Variants in ANKH observed in about 807,000 individuals in gnomAD.
ANKH encodes the protein mineralization regulator ANKH.
A neutral mutation model predicts 49.0 loss-of-function variants in ANKH; 15 were observed. The ratio of observed to expected loss-of-function variants is 0.31; its 90% CI spans 0.20 to 0.47. ANKH has a LOEUF of 0.47. ANKH is among the 20% of genes least tolerant of loss of function. The pLI, the probability that ANKH is intolerant of heterozygous loss-of-function variation, is 1.00. For synonymous variants in ANKH, 273 were observed against 260.0 expected, an observed-to-expected ratio of 1.05 and a Z score of -0.48; for missense variants, 429 against 652.0, an observed-to-expected ratio of 0.66 and a Z score of 3.72.
intron 1 of ANKH, among the ~76,000 whole-genome samples, chr5:14,814,239 G>A (rs912249623): frequency 3.3e-5 from 5 of 152,148 alleles, no homozygotes; most frequent in South Asian, 2.1e-4. Flanking sequence ...CATAAACAAC[G>A]TGAGGGCAGG....
chr5:14,757,172 T>C (rs1738913179), intron 3 of ANKH, among the ~76,000 whole-genome samples: 1 of 152,048 alleles, frequency 6.6e-6, no homozygotes, highest in African/African-American at 2.4e-5. Context: ...TTTGACTCTT[T>C]AGGGATGTCA....
At chr5:14,826,283 T>A (rs1741340657) in intron 1 of ANKH, among the ~76,000 whole-genome samples, 1 of 152,218 alleles carries the variant, frequency 6.6e-6, no homozygotes, top group Admixed American at 6.5e-5. Flanking sequence ...CATATGGGAT[T>A]AAGTCTCAAG....
chr5:14,782,364 T>C (rs1307887957), intron 1 of ANKH, among the ~76,000 whole-genome samples: 4 of 152,144 alleles, frequency 2.6e-5, no homozygotes, highest in African/African-American at 7.2e-5. Flanking sequence ...AACTGATGTA[T>C]GGAGAGGCGA....
intron 1 of ANKH, among the ~76,000 whole-genome samples, chr5:14,818,090 A>AT (rs1394376776): frequency 1.3e-5 from 2 of 151,276 alleles, no homozygotes; most frequent in African/African-American, 4.8e-5. Flanking sequence ...AAAGGAAAAA[A>AT]AAAAACCCAA....
chr5:14,811,807 G>C (rs1445644510), intron 1 of ANKH, among the ~76,000 whole-genome samples: 3 of 152,118 alleles, frequency 2.0e-5, no homozygotes, highest in Non-Finnish European at 4.4e-5. Flanking sequence ...AATGAAATTA[G>C]CCATGGGGGC....
intron 1 of ANKH, among the ~76,000 whole-genome samples, chr5:14,855,413 T>C (rs894027693): frequency 6.6e-6 from 1 of 152,238 alleles, no homozygotes; most frequent in Non-Finnish European, 1.5e-5. Context: ...GAAACATTTG[T>C]TGAATGAACA....
At chr5:14,727,528 G>A (rs917141495) in intron 8 of ANKH, among the ~76,000 whole-genome samples, 1 of 151,432 alleles carries the variant, frequency 6.6e-6, no homozygotes, top group African/African-American at 2.4e-5. Context: ...CAAACAGCAG[G>A]GGGCGCCATG....
intron 1 of ANKH, among the ~76,000 whole-genome samples, chr5:14,857,010 G>A (rs1281158105): frequency 1.3e-5 from 2 of 152,286 alleles, no homozygotes; most frequent in East Asian, 1.9e-4. Context: ...GAAAGAAAGC[G>A]CTTTTCTCTG....
At chr5:14,860,455 A>G (rs1334808795) in intron 1 of ANKH, among the ~76,000 whole-genome samples, 1 of 152,240 alleles carries the variant, frequency 6.6e-6, no homozygotes, top group Non-Finnish European at 1.5e-5. Flanking sequence ...GGGAGGCCTC[A>G]GCGTCCCAGC....
At chr5:14,791,279 G>A (rs1162434825) in intron 1 of ANKH, among the ~76,000 whole-genome samples, 1 of 152,188 alleles carries the variant, frequency 6.6e-6, no homozygotes, top group Non-Finnish European at 1.5e-5. Flanking sequence ...CAGTCTGAAA[G>A]AGGTGGCCAT....
intron 1 of ANKH, among the ~76,000 whole-genome samples, chr5:14,800,722 T>A (rs140724249): frequency 2.0e-5 from 3 of 146,356 alleles, no homozygotes; most frequent in Admixed American, 2.0e-4. Context: ...TATAACATTT[T>A]TTTTCTTTTT....
At chr5:14,777,283 T>C (rs1739657428) in intron 1 of ANKH, among the ~76,000 whole-genome samples, 1 of 151,942 alleles carries the variant, frequency 6.6e-6, no homozygotes, top group South Asian at 2.1e-4. Flanking sequence ...CAAAACTCCA[T>C]CACAAAAACA....
chr5:14,771,921 GAAAAAA>G (rs869185652), intron 1 of ANKH, among the ~76,000 whole-genome samples: 1 of 53,384 alleles, frequency 1.9e-5, no homozygotes, highest in African/African-American at 6.9e-5. Flanking sequence ...CTCAAAAAAA[GAAAAAA>G]AAAAAAAAAA....
chr5:14,801,994 C>T (rs1389485585), intron 1 of ANKH, among the ~76,000 whole-genome samples: 1 of 152,190 alleles, frequency 6.6e-6, no homozygotes, highest in Non-Finnish European at 1.5e-5. Flanking sequence ...CTGTGCATTG[C>T]TGGCAGCTGT....
At chr5:14,788,356 T>A (rs758217494) in intron 1 of ANKH, 12 of 152,252 alleles carry the variant, frequency 7.9e-5, no homozygotes, top group Non-Finnish European at 1.6e-4. Context: ...CTCAAAGAAC[T>A]ACTTCATATA....
chr5:14,819,898 TATACACACAC>T (rs1450187339), intron 1 of ANKH, among the ~76,000 whole-genome samples: 20 of 87,134 alleles, frequency 2.3e-4, no homozygotes, highest in East Asian at 1.1e-3. Flanking sequence ...ACAACAAAAA[TATACACACAC>T]ACACACACAC....
intron 1 of ANKH, among the ~76,000 whole-genome samples, chr5:14,801,461 T>C (rs993744761): frequency 4.1e-4 from 63 of 152,238 alleles, no homozygotes; most frequent in African/African-American, 1.5e-3. Context: ...AGGTGCTGTG[T>C]ATAAAAAACT....
At chr5:14,837,442 C>T (rs553602608) in intron 1 of ANKH, among the ~76,000 whole-genome samples, 1 of 152,270 alleles carries the variant, frequency 6.6e-6, no homozygotes, top group Admixed American at 6.5e-5. Context: ...AATCAAACAA[C>T]CCCATCAAAA....
chr5:14,844,920 T>TA (rs1220166616), intron 1 of ANKH, among the ~76,000 whole-genome samples: 3 of 152,182 alleles, frequency 2.0e-5, no homozygotes, highest in Non-Finnish European at 2.9e-5. Flanking sequence ...ATAGGGTTGG[T>TA]ATCAACTTTC....
Sources: allele counts gnomAD v4.1 joint callset (sites outside exome capture counted in the v4.1 genomes callset), GRCh38; gene constraint gnomAD v4.1.1; transcripts MANE v1.5; gene names NCBI Gene and HGNC (gene_info 2026-07-23, HGNC 2026-07-21).